Variants in CEP85L observed in about 807,000 individuals in gnomAD.
CEP85L encodes the protein centrosomal protein 85L, also known as centrosomal protein of 85 kDa-like.
Under a neutral mutation model 100.3 loss-of-function variants are expected in CEP85L, and 60 were observed. That is an observed-to-expected ratio of 0.60 (90% CI 0.49 to 0.74). The LOEUF is 0.74. Among genes scored for constraint, CEP85L ranks in the 30% least tolerant of loss-of-function variants. The probability of loss-of-function intolerance (pLI) is 0.00; values close to 1 mark genes in which losing one functional copy is unlikely to be tolerated. For synonymous variants in CEP85L, 319 were observed against 322.7 expected, an observed-to-expected ratio of 0.99 and a Z score of 0.12; for missense variants, 973 against 936.2, an observed-to-expected ratio of 1.04 and a Z score of -0.51.
chr6:118,689,889 ATAGTTTTACATGC>A (rs1776975392), intron 1 of CEP85L, among the ~76,000 whole-genome samples: 1 of 147,848 alleles, frequency 6.8e-6, no homozygotes, highest in Admixed American at 6.7e-5. Flanking sequence ...TGTCCCAGGT[ATAGTTTTACATGC>A]TAATCCCTGC....
At chr6:118,615,525 G>A (rs1020662878) in intron 2 of CEP85L, among the ~76,000 whole-genome samples, 2 of 152,036 alleles carry the variant, frequency 1.3e-5, no homozygotes, top group African/African-American at 2.4e-5. Flanking sequence ...CACCGTGCAC[G>A]TTCCGAGAAA....
At chr6:118,691,606 G>T (rs1313413045) in intron 1 of CEP85L, among the ~76,000 whole-genome samples, 1 of 150,808 alleles carries the variant, frequency 6.6e-6, no homozygotes, top group Non-Finnish European at 1.5e-5. Context: ...GTGGTGGCAG[G>T]CAGGCGCCTG....
At chr6:118,601,455 GATCA>G (rs1781784788) in intron 2 of CEP85L, among the ~76,000 whole-genome samples, 1 of 152,190 alleles carries the variant, frequency 6.6e-6, no homozygotes, top group South Asian at 2.1e-4. Flanking sequence ...AATGTTTATC[GATCA>G]ATTTCCCTTT....
At chr6:118,518,447 G>A (rs1375677723) in intron 4 of CEP85L, among the ~76,000 whole-genome samples, 2 of 152,206 alleles carry the variant, frequency 1.3e-5, no homozygotes, top group African/African-American at 4.8e-5. Context: ...CTTCTTCCTG[G>A]TTTAGACCTG....
rs141809087 is a variant in CEP85L at position 118,566,011 on chromosome 6, T to G, written c.538A>C (p.Arg180=). 1 of 1,614,110 alleles carries G rather than the reference T, an allele frequency of 6.2e-7. No individual in the cohort carries two copies. Among genetic ancestry groups the G allele is most frequent in the Non-Finnish European group, 8.5e-7 (1 of 1,180,040 alleles). ...TTCCCTATCTTCTCCAAACCATTCC[T>G]TGACTCTTCTCTGCATACAGTGCCA... ...QGGTVCREES[R]NGLEKIGKAK... The change falls in exon 3 of 13, where the codon AGG becomes CGG. Residue 180 remains arginine (R), a synonymous_variant. Transcript: ENST00000368491.
chr6:118,523,978 T>C, intron 3 of CEP85L, 58 bp from the exon 4 acceptor site: 19 of 647,284 alleles, frequency 2.9e-5, no homozygotes, highest in Non-Finnish European at 4.4e-5. Context: ...AATATTTATA[T>C]ATTATCATAT....
chr6:118,552,040 T>C (rs1198782613), intron 3 of CEP85L, among the ~76,000 whole-genome samples: 3 of 152,006 alleles, frequency 2.0e-5, no homozygotes, highest in Non-Finnish European at 4.4e-5. Context: ...AATCCAAATA[T>C]AGACAAGTCC....
At chr6:118,600,769 T>C (rs1781743115) in intron 2 of CEP85L, among the ~76,000 whole-genome samples, 1 of 150,780 alleles carries the variant, frequency 6.6e-6, no homozygotes, top group Non-Finnish European at 1.5e-5. Flanking sequence ...AATTTTGTCA[T>C]TTTCTCCCTG....
chr6:118,517,961 C>T (rs746607312), intron 4 of CEP85L, among the ~76,000 whole-genome samples: 2 of 152,130 alleles, frequency 1.3e-5, no homozygotes, highest in Non-Finnish European at 2.9e-5. Context: ...CGAATTTTAT[C>T]GAAGGCCTTT....
intron 11 of CEP85L, 60 bp downstream of exon 11, chr6:118,470,477 A>G (rs1772869120): frequency 3.2e-6 from 3 of 947,990 alleles, no homozygotes; most frequent in Admixed American, 2.6e-5. Flanking sequence ...TAATATCTAT[A>G]AAATAAGCAT....
At chr6:118,527,141 A>C (rs2114805397) in intron 3 of CEP85L, among the ~76,000 whole-genome samples, 1 of 150,516 alleles carries the variant, frequency 6.6e-6, no homozygotes, top group Middle Eastern at 3.5e-3. Context: ...CGCCCTCCTG[A>C]GTAGCTGGCT....
intron 2 of CEP85L, among the ~76,000 whole-genome samples, chr6:118,584,704 G>A (rs1780757935): frequency 6.6e-6 from 1 of 152,232 alleles, no homozygotes; most frequent in Non-Finnish European, 1.5e-5. Context: ...AGGATGGCCA[G>A]CATGCCTCCC....
rs548360053 is a variant in CEP85L at position 118,620,296 on chromosome 6, C to A, written c.232+12157G>T. Among the ~76,000 whole-genome samples, 6 of 152,246 alleles carry A rather than the reference C, an allele frequency of 3.9e-5. No homozygotes were observed. The East Asian group carries it at 1.2e-3, about 29-fold the overall frequency. ...TTGGAGGCATTATTAAACCTGGTGACCTTGGTGTTCTATAAAATGGACCGA... is the reference window on the plus strand; with the variant it reads ...TTGGAGGCATTATTAAACCTGGTGAACTTGGTGTTCTATAAAATGGACCGA... On this transcript the variant is annotated intron_variant, in intron 2 of 12. Coordinates refer to ENST00000368491, the MANE Select transcript of CEP85L (RefSeq NM_001042475.3).
At chr6:118,607,022 C>T (rs1772269762) in intron 2 of CEP85L, among the ~76,000 whole-genome samples, 2 of 152,054 alleles carry the variant, frequency 1.3e-5, no homozygotes, top group African/African-American at 4.8e-5. Context: ...CCTAGTGATC[C>T]AGCTTGTGGC....
chr6:118,474,421 A>G (rs1221287010), intron 10 of CEP85L, among the ~76,000 whole-genome samples: 1 of 152,192 alleles, frequency 6.6e-6, no homozygotes. Flanking sequence ...TAGGGCATCA[A>G]CATTTATCAT....
intron 2 of CEP85L, among the ~76,000 whole-genome samples, chr6:118,595,234 C>A (rs1781401298): frequency 6.6e-6 from 1 of 151,984 alleles, no homozygotes; most frequent in Non-Finnish European, 1.5e-5. Context: ...CAGCTATGTA[C>A]CTTATGTTAC....
intron 2 of CEP85L, among the ~76,000 whole-genome samples, chr6:118,602,932 T>G (rs1218372824): frequency 2.0e-5 from 3 of 152,090 alleles, no homozygotes; most frequent in African/African-American, 7.2e-5. Context: ...ACGATTCTCC[T>G]ACCTCAACCT....
intron 2 of CEP85L, among the ~76,000 whole-genome samples, chr6:118,567,131 T>C (rs1000351493): frequency 6.6e-6 from 1 of 151,120 alleles, no homozygotes; most frequent in Non-Finnish European, 1.5e-5. Context: ...TAATGAAAAA[T>C]AGTCCCAAAG....
intron 2 of CEP85L, among the ~76,000 whole-genome samples, chr6:118,632,190 T>C (rs1312567770): frequency 6.6e-6 from 1 of 152,114 alleles, no homozygotes; most frequent in Non-Finnish European, 1.5e-5. Context: ...GGGATTTCAT[T>C]GTATTAGACA....
Sources: gnomAD v4.1 joint callset for allele counts (sites outside exome capture counted in the v4.1 genomes callset) on GRCh38, gnomAD v4.1.1 for gene constraint, MANE v1.5 for transcripts, NCBI Gene and HGNC (gene_info 2026-07-23, HGNC 2026-07-21) for gene names.